Variants in PTPRQ observed in about 807,000 individuals in gnomAD.
The protein encoded by PTPRQ is phosphatidylinositol phosphatase PTPRQ.
PTPRQ carries 199 observed loss-of-function variants against 246.0 expected under a neutral mutation model. The observed-to-expected ratio is 0.81, with a 90% CI of 0.72 to 0.91. The LOEUF is 0.91. Among genes scored for constraint, PTPRQ ranks in the 40% least tolerant of loss-of-function variants. The pLI, the probability that PTPRQ is intolerant of heterozygous loss-of-function variation, is 0.00. For synonymous variants in PTPRQ, 869 were observed against 853.2 expected (o/e 1.02, Z -0.32); for missense variants, 2,624 against 2,528.4 (o/e 1.04, Z -0.81).
intron 6 of PTPRQ, among the ~76,000 whole-genome samples, chr12:80,466,413 T>C (rs1893415471): frequency 6.6e-6 from 1 of 152,138 alleles, no homozygotes; most frequent in Non-Finnish European, 1.5e-5. Context: ...ATCAATATCA[T>C]GAAAATGGCC....
At chr12:80,508,782 T>A (rs977118079) in intron 16 of PTPRQ, among the ~76,000 whole-genome samples, 4 of 152,112 alleles carry the variant, frequency 2.6e-5, no homozygotes, top group Non-Finnish European at 4.4e-5. Context: ...TTAATTACGT[T>A]TACTTAGCAA....
chr12:80,557,055 A>G (rs1455984892), intron 25 of PTPRQ, among the ~76,000 whole-genome samples: 1 of 152,178 alleles, frequency 6.6e-6, no homozygotes, highest in Non-Finnish European at 1.5e-5. Context: ...AAAAACAGTG[A>G]TTGTTTTTGG....
At chr12:80,486,938 A>G (rs1409479974) in intron 9 of PTPRQ, among the ~76,000 whole-genome samples, 1 of 152,154 alleles carries the variant, frequency 6.6e-6, no homozygotes, top group Non-Finnish European at 1.5e-5. Context: ...ATGTACTGTG[A>G]CATTGCAATT....
At chr12:80,603,349 A>T (rs532598990) in intron 26 of PTPRQ, among the ~76,000 whole-genome samples, 2 of 151,782 alleles carry the variant, frequency 1.3e-5, no homozygotes, top group Admixed American at 6.6e-5. Flanking sequence ...ATGGAAAAAT[A>T]ATTCTTTTCT....
chr12:80,563,223 C>T (rs1205915965), intron 25 of PTPRQ, among the ~76,000 whole-genome samples: 1 of 152,128 alleles, frequency 6.6e-6, no homozygotes, highest in Non-Finnish European at 1.5e-5. Flanking sequence ...AGTCCAACAT[C>T]AGGGCACCAG....
intron 8 of PTPRQ, among the ~76,000 whole-genome samples, chr12:80,483,045 T>C: frequency 3.3e-5 from 4 of 120,220 alleles, no homozygotes; most frequent in Non-Finnish European, 6.9e-5. Context: ...CAAAGGACTA[T>C]AAATCATGCT....
intron 17 of PTPRQ, among the ~76,000 whole-genome samples, chr12:80,529,649 T>C (rs1895787028): frequency 6.6e-6 from 1 of 152,102 alleles, no homozygotes; most frequent in African/African-American, 2.4e-5. Flanking sequence ...ATGCACTAGA[T>C]GTCAAAATGT....
chr12:80,503,868 T>A (rs948004889), intron 14 of PTPRQ, among the ~76,000 whole-genome samples: 4 of 151,760 alleles, frequency 2.6e-5, no homozygotes, highest in African/African-American at 9.7e-5. Flanking sequence ...CTACTCTTTA[T>A]TTTTCTGGGT....
chr12:80,450,712 A>G (rs1278671654), intron 3 of PTPRQ, among the ~76,000 whole-genome samples: 1 of 152,222 alleles, frequency 6.6e-6, no homozygotes, highest in Non-Finnish European at 1.5e-5. Context: ...CCAGCCTTGC[A>G]TCCCAGGGAT....
chr12:80,631,059 G>C (rs1232417375), intron 33 of PTPRQ, among the ~76,000 whole-genome samples: 2 of 152,064 alleles, frequency 1.3e-5, no homozygotes, highest in East Asian at 3.9e-4. Context: ...CATTTATGCA[G>C]CAAAATTATC....
intron 25 of PTPRQ, among the ~76,000 whole-genome samples, chr12:80,578,416 A>T (rs1897333615): frequency 6.6e-6 from 1 of 151,714 alleles, no homozygotes. Flanking sequence ...TATGAGATGG[A>T]GTCTCACTCT....
intron 20 of PTPRQ, 85 bp from the exon 21 acceptor site, chr12:80,541,470 T>C (rs891623685): frequency 1.7e-6 from 2 of 1,154,600 alleles, no homozygotes; most frequent in African/African-American, 3.2e-5. Flanking sequence ...ATAGTTGCCA[T>C]TTCAACAATT....
chr12:80,634,735 C>T (rs1267365643), intron 34 of PTPRQ: 1 of 597,940 alleles, frequency 1.7e-6, no homozygotes, highest in African/African-American at 2.0e-5. Flanking sequence ...ATCCCAATAA[C>T]TTATTAGAAA....
chr12:80,633,190 G>A (rs569387622), intron 34 of PTPRQ, among the ~76,000 whole-genome samples: 10 of 152,112 alleles, frequency 6.6e-5, no homozygotes, highest in Non-Finnish European at 1.3e-4. Flanking sequence ...AAGCTTTCAG[G>A]CCACCTACAT....
intron 3 of PTPRQ, among the ~76,000 whole-genome samples, chr12:80,452,876 A>G (rs1384470062): frequency 6.6e-6 from 1 of 152,004 alleles, no homozygotes; most frequent in African/African-American, 2.4e-5. Flanking sequence ...GTATCTTTGT[A>G]GCGTTCTCTG....
intron 38 of PTPRQ, among the ~76,000 whole-genome samples, chr12:80,654,839 G>C (rs1233680435): frequency 6.6e-6 from 1 of 151,892 alleles, no homozygotes; most frequent in Non-Finnish European, 1.5e-5. Context: ...CATCCTGGGT[G>C]ACAGAGCGAG....
At chr12:80,628,606 A>G (rs759665203) in intron 33 of PTPRQ, among the ~76,000 whole-genome samples, 24 of 152,152 alleles carry the variant, frequency 1.6e-4, no homozygotes, top group Non-Finnish European at 2.2e-4. Flanking sequence ...CAAAATCAAT[A>G]TATTTGTTCA....
chr12:80,493,037 C>G (rs965423374), intron 9 of PTPRQ, among the ~76,000 whole-genome samples: 3 of 151,874 alleles, frequency 2.0e-5, no homozygotes, highest in Admixed American at 6.6e-5. Flanking sequence ...TCTGTTTCTT[C>G]CCAAAATACA....
intron 8 of PTPRQ, among the ~76,000 whole-genome samples, chr12:80,481,931 G>A (rs1296407924): frequency 8.3e-5 from 12 of 145,180 alleles, no homozygotes; most frequent in South Asian, 2.3e-4. Flanking sequence ...AATCAATATC[G>A]TGAAAATGGC....
Sources: gnomAD v4.1 joint callset for allele counts (sites outside exome capture counted in the v4.1 genomes callset) on GRCh38, gnomAD v4.1.1 for gene constraint, MANE v1.5 for transcripts, NCBI Gene and HGNC (gene_info 2026-07-23, HGNC 2026-07-21) for gene names.